Variants in NTN4 observed in about 807,000 individuals in gnomAD.
NTN4 encodes the protein netrin 4, also known as netrin-4.
NTN4 carries 32 observed loss-of-function variants against 73.6 expected under a neutral mutation model. The observed-to-expected ratio is 0.44, with a 90% confidence interval of 0.33 to 0.58. NTN4 has a LOEUF of 0.58. NTN4 is among the 20% of genes least tolerant of loss of function. The pLI is 0.04. For synonymous variants in NTN4, 258 were observed against 287.5 expected, an observed-to-expected ratio of 0.90 and a Z score of 1.04; for missense variants, 654 against 798.3, an observed-to-expected ratio of 0.82 and a Z score of 2.18.
chr12:95,754,987 C>T (rs1173862148), intron 2 of NTN4, among the ~76,000 whole-genome samples: 1 of 152,226 alleles, frequency 6.6e-6, no homozygotes, highest in Non-Finnish European at 1.5e-5. Context: ...TACACATTCA[C>T]AACTGTTCTG....
rs545979866 is a variant in NTN4, at chr12:95,738,277, C to T, written c.586-133G>A. The T allele has an allele frequency of 5.5e-5, 45 of 821,530 alleles. No homozygotes were observed. The South Asian group carries it at 6.7e-4, about 12-fold the overall frequency. 50.9% of individuals were successfully genotyped at this position (821,530 alleles called of 1,614,324 possible). A position where few individuals can be genotyped will look rare whatever the true frequency, so the allele number is the denominator to read the frequency against. ...GATAAGATAACAAGAAGTTTTTAGA[C>T]CTTGAGCACACCTGGGACAGAGCCG... On this transcript the variant is annotated intron_variant, in intron 2 of 9. Transcript: ENST00000343702.
intron 2 of NTN4, among the ~76,000 whole-genome samples, chr12:95,782,219 G>C (rs879265010): frequency 5.3e-5 from 8 of 152,010 alleles, no homozygotes; most frequent in Non-Finnish European, 1.0e-4. Context: ...TGTGATCCAA[G>C]CAATGTGCTA....
chr12:95,681,358 G>C (rs932017209), intron 7 of NTN4, among the ~76,000 whole-genome samples: 1 of 152,102 alleles, frequency 6.6e-6, no homozygotes, highest in African/African-American at 2.4e-5. Context: ...GTACATCGGG[G>C]ACTTCAAAAG....
Position 95,786,969 on chromosome 12 carries a change from G to A in NTN4, c.555C>T (p.Tyr185=). 1.2e-6 allele frequency: 2 copies of A among 1,614,180 alleles called. No homozygotes were observed. Among genetic ancestry groups the A allele is most frequent in the Non-Finnish European group, 1.7e-6 (2 of 1,180,014 alleles). Residue 185 remains tyrosine, a synonymous_variant, in exon 2 of 10, where the codon TAC becomes TAT. Transcript: ENST00000343702. ...VKKGAICTSK[Y]SSPFPCTGGE... ...CTCCAGTGCATGGAAAAGGACTGGA[G>A]TATTTAGAAGTACAAATAGCGCCCT... is the stretch of plus-strand genomic sequence containing the variant.
chr12:95,782,752 G>C (rs1450578857), intron 2 of NTN4, among the ~76,000 whole-genome samples: 1 of 152,194 alleles, frequency 6.6e-6, no homozygotes, highest in Non-Finnish European at 1.5e-5. Context: ...GCTTTGGTTG[G>C]TTGCTATCCA....
At chr12:95,723,579 T>C (rs2078666417) in intron 3 of NTN4, among the ~76,000 whole-genome samples, 1 of 152,054 alleles carries the variant, frequency 6.6e-6, no homozygotes, top group South Asian at 2.1e-4. Context: ...ACAGTGGCAC[T>C]ATCTTGGTTC....
intron 2 of NTN4, among the ~76,000 whole-genome samples, chr12:95,766,737 G>A (rs1408755123): frequency 6.6e-6 from 1 of 152,198 alleles, no homozygotes; most frequent in African/African-American, 2.4e-5. Flanking sequence ...AGCTGTGCTT[G>A]CCTAGACGGG....
At chr12:95,743,028 C>T (rs61938135) in intron 2 of NTN4, among the ~76,000 whole-genome samples, 2 of 152,186 alleles carry the variant, frequency 1.3e-5, no homozygotes, top group Non-Finnish European at 2.9e-5. Flanking sequence ...TTTCAAAATG[C>T]TTTATGGATT....
intron 3 of NTN4, among the ~76,000 whole-genome samples, chr12:95,732,783 G>C (rs556351102): frequency 6.6e-6 from 1 of 152,252 alleles, no homozygotes; most frequent in East Asian, 1.9e-4. Context: ...GATGAAAACT[G>C]TAGCTTTAAA....
intron 7 of NTN4, among the ~76,000 whole-genome samples, chr12:95,681,569 G>A (rs375356252): frequency 5.9e-5 from 9 of 152,272 alleles, no homozygotes; most frequent in South Asian, 4.1e-4. Context: ...AAGTGTTGAC[G>A]CAATATTTCA....
rs7358602 is a variant in NTN4, at chr12:95,666,263, G to C, written c.1580-283C>G. ...CCTAAGAATGATATAATATACTTTG[G>C]GGACTCAGGGGGAAGAGAGGGGATA... On this transcript the variant is annotated intron_variant, in intron 8 of 9. Coordinates refer to ENST00000343702, the MANE Select transcript of NTN4 (RefSeq NM_021229.4). Among the ~76,000 whole-genome samples, 1,517 of 152,104 alleles carry C rather than the reference G, an allele frequency of 1.0e-2. 22 individuals are homozygous for C. The highest frequency in any genetic ancestry group is 0.034 in the African/African-American group (1,426 of 41,484).
At chr12:95,672,533 T>C (rs2120951282) in intron 7 of NTN4, 2 of 1,527,222 alleles carry the variant, frequency 1.3e-6, no homozygotes, top group Non-Finnish European at 1.8e-6. Context: ...ATTGATCAGA[T>C]GTGGCCCACC....
chr12:95,714,482 A>G (rs1217147016), intron 3 of NTN4, among the ~76,000 whole-genome samples: 1 of 152,048 alleles, frequency 6.6e-6, no homozygotes, highest in African/African-American at 2.4e-5. Context: ...CCTACAAGGG[A>G]GAGTCACTAT....
Position 95,665,931 on chromosome 12 carries a change from C to T in NTN4, c.1629G>A (p.Glu543=). The change falls in exon 9 of 10, where the codon GAG becomes GAA. Residue 543 remains glutamate, a synonymous_variant. Coordinates refer to ENST00000343702, the MANE Select transcript of NTN4 (RefSeq NM_021229.4). ...LSAHDKGTHV[E]VNVKIKKVLK... ...AGACCTTTTTAATCTTCACATTGAC[C>T]TCAACATGAGTACCTTTATCATGAG... The T allele has an allele frequency of 1.9e-6, 3 of 1,613,290 alleles. No homozygotes were observed. Among genetic ancestry groups the T allele is most frequent in the Non-Finnish European group, 2.5e-6 (3 of 1,179,436 alleles).
chr12:95,712,405 C>G (rs892486577), intron 4 of NTN4, among the ~76,000 whole-genome samples: 1 of 152,154 alleles, frequency 6.6e-6, no homozygotes, highest in Non-Finnish European at 1.5e-5. Context: ...ATCAAGTCCC[C>G]ACTATCATTT....
At chr12:95,682,056 G>GTTTTTTTT (rs1349857597) in intron 7 of NTN4, among the ~76,000 whole-genome samples, 3 of 37,958 alleles carry the variant, frequency 7.9e-5, no homozygotes, top group Admixed American at 3.4e-4. Flanking sequence ...TATTCAGTAG[G>GTTTTTTTT]CTTTTTTTTT....
chr12:95,710,767 G>T, intron 4 of NTN4, 138 bp from the exon 5 acceptor site: 1 of 729,436 alleles, frequency 1.4e-6, no homozygotes, highest in Non-Finnish European at 2.2e-6. Flanking sequence ...CTTGTGGGAG[G>T]CTGAGGCAGG....
At chr12:95,680,592 C>T (rs1398541226) in intron 7 of NTN4, among the ~76,000 whole-genome samples, 1 of 152,136 alleles carries the variant, frequency 6.6e-6, no homozygotes, top group East Asian at 1.9e-4. Flanking sequence ...TTGGAGATAT[C>T]CTAAATGGCA....
intron 7 of NTN4, among the ~76,000 whole-genome samples, chr12:95,681,839 A>C (rs926896833): frequency 6.6e-6 from 1 of 152,168 alleles, no homozygotes; most frequent in Non-Finnish European, 1.5e-5. Context: ...ATCATTTTTC[A>C]TATTCAGTTA....
Sources: allele counts gnomAD v4.1 joint callset (sites outside exome capture counted in the v4.1 genomes callset), GRCh38; gene constraint gnomAD v4.1.1; transcripts MANE v1.5; gene names NCBI Gene and HGNC (gene_info 2026-07-23, HGNC 2026-07-21).